Variants in UNC13C observed in about 807,000 individuals in gnomAD.
UNC13C encodes the protein unc-13 homolog C, also known as protein unc-13 homolog C.
Under a neutral mutation model 245.4 loss-of-function variants are expected in UNC13C, and 174 were observed. The observed-to-expected ratio is 0.71, with a 90% CI of 0.63 to 0.80. The LOEUF is 0.80. UNC13C is among the 30% of genes least tolerant of loss of function. UNC13C has a pLI of 0.00. For synonymous variants in UNC13C, 992 were observed against 895.1 expected (o/e 1.11, Z -1.93); for missense variants, 2,829 against 2,602.9 (o/e 1.09, Z -1.89).
intron 17 of UNC13C, among the ~76,000 whole-genome samples, chr15:54,368,936 A>G (rs2039426941): frequency 6.6e-6 from 1 of 152,156 alleles, no homozygotes; most frequent in South Asian, 2.1e-4. Flanking sequence ...TAAATGTGTT[A>G]GTAGGACATA....
At position 54,525,529 on chromosome 15, in the gene UNC13C, T is replaced by A. The variant is rs1895412639; in HGVS notation, c.5458-20T>A. On this transcript the variant is annotated intron_variant, in intron 24 of 32. Transcript: ENST00000260323. ...CTTTCTCAAAACTCCAAAGTAATATTGTTTATGGTCTCTCTGCAGCTAGAT... is the reference window on the plus strand; with the variant it reads ...CTTTCTCAAAACTCCAAAGTAATATAGTTTATGGTCTCTCTGCAGCTAGAT... The A allele has an allele frequency of 6.3e-7, 1 of 1,598,136 alleles. No homozygotes were observed.
intron 31 of UNC13C, among the ~76,000 whole-genome samples, chr15:54,623,109 G>C (rs1284296011): frequency 1.3e-5 from 2 of 152,024 alleles, no homozygotes; most frequent in Non-Finnish European, 2.9e-5. Context: ...AAAGTTTAAT[G>C]AATATTTTGC....
At chr15:54,058,253 G>A (rs1298701991) in intron 2 of UNC13C, among the ~76,000 whole-genome samples, 3 of 151,952 alleles carry the variant, frequency 2.0e-5, no homozygotes. Flanking sequence ...GAATCAAATA[G>A]ACACAATAAA....
chr15:54,415,035 T>G lies in UNC13C; in HGVS notation c.4901T>G (p.Leu1634Arg), dbSNP rs2040490895. 1 of 1,612,644 alleles carries G rather than the reference T, an allele frequency of 6.2e-7. No individual in the cohort carries two copies. ...ATAAGTGCCGAAATTATGTGGACTCTTTTTGCTCTGGATATGAAATATGCA... is the reference window on the plus strand; with the variant it reads ...ATAAGTGCCGAAATTATGTGGACTCGTTTTGCTCTGGATATGAAATATGCA... ...GKISAEIMWT[L>R]FALDMKYALE... The change falls in exon 19 of 33, where the codon CTT becomes CGT. Residue 1634 changes from leucine to arginine, a missense_variant. Coordinates refer to ENST00000260323, the MANE Select transcript of UNC13C (RefSeq NM_001080534.3).
intron 3 of UNC13C, among the ~76,000 whole-genome samples, chr15:54,143,293 T>C (rs1324935582): frequency 6.6e-6 from 1 of 152,210 alleles, no homozygotes; most frequent in Non-Finnish European, 1.5e-5. Context: ...AAACACAGCA[T>C]CTTTTCTTAA....
At chr15:53,865,771 G>A in the UNC13C span, among the ~76,000 whole-genome samples, 9 of 152,004 alleles carry the variant, frequency 5.9e-5, no homozygotes, top group Admixed American at 2.6e-4. Context: ...CTTTGAAAAT[G>A]TATATCTAAA....
At chr15:54,613,738 T>TATC (rs1427586191) in intron 30 of UNC13C, among the ~76,000 whole-genome samples, 1 of 152,008 alleles carries the variant, frequency 6.6e-6, no homozygotes, top group African/African-American at 2.4e-5. Context: ...AACCTCGGTT[T>TATC]ATCATGTTTA....
intron 8 of UNC13C, among the ~76,000 whole-genome samples, chr15:54,258,946 T>G (rs2036351663): frequency 6.6e-6 from 1 of 152,322 alleles, no homozygotes; most frequent in Non-Finnish European, 1.5e-5. Context: ...AACATAAATT[T>G]ATTACCCACA....
chr15:53,871,142 A>C, the UNC13C span, among the ~76,000 whole-genome samples: 4 of 152,126 alleles, frequency 2.6e-5, no homozygotes, highest in Non-Finnish European at 5.9e-5. Flanking sequence ...TCCTTTACAA[A>C]GATGTTCATT....
At chr15:54,028,049 A>G (rs1896191205) in intron 2 of UNC13C, among the ~76,000 whole-genome samples, 2 of 152,182 alleles carry the variant, frequency 1.3e-5, no homozygotes, top group Admixed American at 6.5e-5. Context: ...TTAACACTGT[A>G]CATAAACTAA....
In UNC13C at chr15:54,080,006, G is replaced by T. The variant is rs2899529; in HGVS notation, c.2984-63012G>T. The stretch of plus-strand genomic sequence containing the variant: ...CCTTCAAGGCCTGGTTTGTCGAGCG[G>T]TTTTTTTTTTTTTTTATCATAAAGT... On this transcript the variant is annotated intron_variant, in intron 2 of 32. Transcript: ENST00000260323. Among the ~76,000 whole-genome samples the T allele has an allele frequency of 3.8e-3, 494 of 129,748 alleles. 57 individuals carry two copies. Among genetic ancestry groups the T allele is most frequent in the Middle Eastern group, 0.012 (3 of 248 alleles). The allele number at this position is 129,748 out of a possible 152,430, so 85.1% of individuals were successfully genotyped here.
chr15:53,858,722 A>G, the UNC13C span, among the ~76,000 whole-genome samples: 2 of 152,134 alleles, frequency 1.3e-5, no homozygotes, highest in Admixed American at 6.6e-5. Context: ...CCTGGCCCAG[A>G]TAATGAAATA....
chr15:53,903,179 T>G, the UNC13C span, among the ~76,000 whole-genome samples: 1 of 152,238 alleles, frequency 6.6e-6, no homozygotes, highest in Non-Finnish European at 1.5e-5. Flanking sequence ...GTCTCCATAT[T>G]GGAACTGCAA....
intron 32 of UNC13C, among the ~76,000 whole-genome samples, chr15:54,626,521 C>T (rs536473001): frequency 6.6e-6 from 1 of 152,124 alleles, no homozygotes; most frequent in East Asian, 1.9e-4. Context: ...TACCCATTAC[C>T]CTGGCCTAGC....
At chr15:53,890,796 G>C in the UNC13C span, among the ~76,000 whole-genome samples, 2 of 151,360 alleles carry the variant, frequency 1.3e-5, no homozygotes, top group Non-Finnish European at 2.9e-5. Context: ...TCTATTTTTT[G>C]ACCTTTTAAA....
At chr15:54,555,078 T>C (rs1897032256) in intron 28 of UNC13C, among the ~76,000 whole-genome samples, 1 of 152,036 alleles carries the variant, frequency 6.6e-6, no homozygotes, top group Non-Finnish European at 1.5e-5. Flanking sequence ...TAAATCCTTT[T>C]CATGATTGAT....
intron 18 of UNC13C, among the ~76,000 whole-genome samples, chr15:54,404,256 T>A (rs1355126944): frequency 6.6e-6 from 1 of 152,194 alleles, no homozygotes; most frequent in Non-Finnish European, 1.5e-5. Flanking sequence ...CATATCAAAA[T>A]AATACTTCTC....
At chr15:54,462,776 G>A (rs1201068194) in intron 19 of UNC13C, among the ~76,000 whole-genome samples, 1 of 152,180 alleles carries the variant, frequency 6.6e-6, no homozygotes, top group African/African-American at 2.4e-5. Flanking sequence ...CTCCCTGACG[G>A]GCGCCACCCC....
chr15:53,996,147 G>A (rs1894622553), intron 1 of UNC13C, among the ~76,000 whole-genome samples: 1 of 152,184 alleles, frequency 6.6e-6, no homozygotes, highest in African/African-American at 2.4e-5. Context: ...AGGAAGAGAT[G>A]TGATCCTTGG....
Sources: gnomAD v4.1 joint callset for allele counts (sites outside exome capture counted in the v4.1 genomes callset) on GRCh38, gnomAD v4.1.1 for gene constraint, MANE v1.5 for transcripts, NCBI Gene and HGNC (gene_info 2026-07-23, HGNC 2026-07-21) for gene names.